The following KLF12 variants were observed in gnomAD, a reference collection of about 807,000 sequenced individuals.
KLF12 encodes Krueppel-like factor 12.
In KLF12, 9 loss-of-function variants were observed where a neutral mutation model predicts 37.8. The ratio of observed to expected loss-of-function variants is 0.24; its 90% CI spans 0.14 to 0.42. The LOEUF (loss-of-function observed/expected upper bound fraction) is 0.42. KLF12 is among the 10% of genes least tolerant of loss of function. KLF12 has a pLI of 1.00. For synonymous variants in KLF12, 208 were observed against 202.1 expected (o/e 1.03, Z -0.25); for missense variants, 411 against 516.0 (o/e 0.80, Z 1.97).
intron 6 of KLF12, among the ~76,000 whole-genome samples, chr13:73,750,764 A>AT (rs1358895538): frequency 2.0e-5 from 3 of 152,040 alleles, no homozygotes; most frequent in African/African-American, 4.8e-5. Context: ...TGCATTAGCT[A>AT]TTTTTTTCCT....
chr13:74,270,226 T>A, the KLF12 span, among the ~76,000 whole-genome samples: 1 of 152,270 alleles, frequency 6.6e-6, no homozygotes, highest in South Asian at 2.1e-4. Flanking sequence ...ACAAGGTGAT[T>A]CATGGCAGAC....
chr13:73,834,123 T>G (rs1884306849), intron 4 of KLF12, among the ~76,000 whole-genome samples: 1 of 150,694 alleles, frequency 6.6e-6, no homozygotes, highest in Non-Finnish European at 1.5e-5. Flanking sequence ...TAGTGTAGAA[T>G]TCGGGGAGAA....
At chr13:74,027,822 T>C (rs1281314079) in intron 1 of KLF12, among the ~76,000 whole-genome samples, 1 of 152,210 alleles carries the variant, frequency 6.6e-6, no homozygotes. Context: ...ATTCTTCACA[T>C]AAAAAGTCAA....
chr13:74,001,999 G>A (rs552345997), intron 1 of KLF12, among the ~76,000 whole-genome samples: 45 of 152,198 alleles, frequency 3.0e-4, no homozygotes, highest in Admixed American at 5.2e-4. Context: ...TAATTTGAAA[G>A]ATCAATCAAA....
rs11346178 is a variant in KLF12, at chr13:74,004,937, C to CA, written c.-31-9885dup. Among the ~76,000 whole-genome samples the CA allele has an allele frequency of 8.0e-3, 967 of 121,110 alleles. 8 individuals are homozygous for CA. Among genetic ancestry groups the CA allele is most frequent in the African/African-American group, 0.017 (564 of 32,554 alleles). 79.5% of individuals were successfully genotyped at this position (121,110 alleles called of 152,430 possible). On this transcript the variant is annotated intron_variant, in intron 1 of 7. Coordinates refer to ENST00000377669, the MANE Select transcript of KLF12 (RefSeq NM_007249.5). The stretch of plus-strand genomic sequence containing the variant: ...AATGATATCCAAACCTGTGCACAGA[C>CA]AAAAAAAAAAAAGGGAATTTAACTT...
At chr13:74,070,156 G>A (rs1300132222) in intron 1 of KLF12, among the ~76,000 whole-genome samples, 1 of 152,174 alleles carries the variant, frequency 6.6e-6, no homozygotes, top group East Asian at 1.9e-4. Context: ...AGAAGGAGAG[G>A]AGACCCATCC....
chr13:74,233,243 A>G, the KLF12 span, among the ~76,000 whole-genome samples: 2 of 152,154 alleles, frequency 1.3e-5, no homozygotes, highest in Non-Finnish European at 2.9e-5. Context: ...GTCGGCCTAC[A>G]TGGGATGACA....
At chr13:74,165,528 C>T in the KLF12 span, among the ~76,000 whole-genome samples, 5 of 152,022 alleles carry the variant, frequency 3.3e-5, no homozygotes, top group African/African-American at 1.2e-4. Flanking sequence ...TAAACTCCCA[C>T]CCTCAACTGA....
At chr13:73,818,616 C>T (rs1170503264) in intron 4 of KLF12, among the ~76,000 whole-genome samples, 1 of 152,248 alleles carries the variant, frequency 6.6e-6, no homozygotes, top group African/African-American at 2.4e-5. Flanking sequence ...GGACATTCTT[C>T]TATTTCTATA....
chr13:73,978,539 C>T (rs1391569436), intron 2 of KLF12, among the ~76,000 whole-genome samples: 1 of 152,130 alleles, frequency 6.6e-6, no homozygotes, highest in Non-Finnish European at 1.5e-5. Context: ...CTTTGGAAGA[C>T]AGTTTGTTAG....
At chr13:74,224,730 A>G in the KLF12 span, among the ~76,000 whole-genome samples, 1 of 152,184 alleles carries the variant, frequency 6.6e-6, no homozygotes, top group Non-Finnish European at 1.5e-5. Flanking sequence ...TCTTATAACC[A>G]GTTCTTAATA....
chr13:74,291,878 CA>C, the KLF12 span, among the ~76,000 whole-genome samples: 2 of 152,172 alleles, frequency 1.3e-5, no homozygotes, highest in Non-Finnish European at 2.9e-5. Context: ...TTTTTGAAAT[CA>C]AAATGTCTTC....
intron 6 of KLF12, among the ~76,000 whole-genome samples, chr13:73,755,251 T>A (rs531423424): frequency 6.6e-6 from 1 of 152,222 alleles, no homozygotes; most frequent in Non-Finnish European, 1.5e-5. Flanking sequence ...GAAAAAGAGA[T>A]GGAATTGGAG....
chr13:73,879,558 C>T (rs533251570), intron 3 of KLF12, among the ~76,000 whole-genome samples: 43 of 152,280 alleles, frequency 2.8e-4, no homozygotes, highest in African/African-American at 8.9e-4. Flanking sequence ...ATAATTAAAA[C>T]GCAGAACAAA....
At chr13:73,959,579 T>C (rs1010101069) in intron 2 of KLF12, among the ~76,000 whole-genome samples, 5 of 151,358 alleles carry the variant, frequency 3.3e-5, no homozygotes, top group African/African-American at 1.2e-4. Context: ...GTGACTTACA[T>C]AGCAGTTAAA....
At chr13:73,701,067 A>G (rs577095676) in intron 7 of KLF12, among the ~76,000 whole-genome samples, 1 of 152,334 alleles carries the variant, frequency 6.6e-6, no homozygotes, top group South Asian at 2.1e-4. Context: ...AAAACTTGCT[A>G]GAAAATAGAA....
At chr13:74,193,442 A>G in the KLF12 span, among the ~76,000 whole-genome samples, 1 of 152,208 alleles carries the variant, frequency 6.6e-6, no homozygotes, top group Non-Finnish European at 1.5e-5. Context: ...CGACAATCAT[A>G]CCATAAATAA....
the KLF12 span, among the ~76,000 whole-genome samples, chr13:74,174,006 C>A: frequency 6.6e-6 from 1 of 152,116 alleles, no homozygotes; most frequent in African/African-American, 2.4e-5. Context: ...AATAACACAG[C>A]CAACGATCTT....
intron 4 of KLF12, among the ~76,000 whole-genome samples, chr13:73,830,822 C>G (rs1377328113): frequency 6.6e-6 from 1 of 152,156 alleles, no homozygotes; most frequent in East Asian, 1.9e-4. Context: ...ATGTCGATCT[C>G]TGAAACGCAG....
Sources: allele counts gnomAD v4.1 joint callset (sites outside exome capture counted in the v4.1 genomes callset), GRCh38; gene constraint gnomAD v4.1.1; transcripts MANE v1.5; gene names NCBI Gene and HGNC (gene_info 2026-07-23, HGNC 2026-07-21).